Variants in CLDN16 observed in about 807,000 individuals in gnomAD.
The protein encoded by CLDN16 is claudin-16.
In CLDN16, 13 loss-of-function variants were observed where a neutral mutation model predicts 24.6. The ratio of observed to expected loss-of-function variants is 0.53; its 90% CI spans 0.34 to 0.84. The LOEUF (loss-of-function observed/expected upper bound fraction) is 0.84, where lower values mean the gene tolerates loss of function less well. Among genes scored for constraint, CLDN16 ranks in the 40% least tolerant of loss-of-function variants. The probability of loss-of-function intolerance (pLI) is 0.01; values close to 1 mark genes in which losing one functional copy is unlikely to be tolerated. For missense variants in CLDN16, 298 were observed against 292.7 expected (o/e 1.02, Z -0.13); for synonymous variants, 116 against 106.7 (o/e 1.09, Z -0.54).
At chr3:190,310,297 C>A in the CLDN16 span, 1 of 1,483,418 alleles carries the variant, frequency 6.7e-7, no homozygotes, top group Non-Finnish European at 9.4e-7. Context: ...CCATGGAACA[C>A]TGAGCCTAAA....
intron 1 of CLDN16, among the ~76,000 whole-genome samples, chr3:190,361,294 G>T (rs770809207): frequency 5.9e-5 from 9 of 152,096 alleles, no homozygotes; most frequent in Non-Finnish European, 1.3e-4. Flanking sequence ...TAGTGAAAGT[G>T]CCTTTGCAAA....
the CLDN16 span, among the ~76,000 whole-genome samples, chr3:190,293,537 C>A: frequency 1.3e-5 from 2 of 152,122 alleles, no homozygotes; most frequent in Non-Finnish European, 2.9e-5. Flanking sequence ...GGAAATTAGA[C>A]CATGAGTGGA....
At chr3:190,311,312 A>T in the CLDN16 span, among the ~76,000 whole-genome samples, 1 of 152,210 alleles carries the variant, frequency 6.6e-6, no homozygotes, top group African/African-American at 2.4e-5. Context: ...GGCCACAAAG[A>T]TTACTATTCG....
intron 1 of CLDN16, among the ~76,000 whole-genome samples, chr3:190,358,403 T>C (rs1427756326): frequency 2.0e-5 from 3 of 151,962 alleles, no homozygotes; most frequent in African/African-American, 2.4e-5. Flanking sequence ...CAAGTACGAA[T>C]GACACATAGG....
chr3:190,377,233 CA>C (rs1332480418), intron 3 of CLDN16, among the ~76,000 whole-genome samples: 2 of 151,936 alleles, frequency 1.3e-5, no homozygotes, highest in Non-Finnish European at 2.9e-5. Flanking sequence ...GCATACTTTG[CA>C]GTTTTTTCTG....
chr3:190,399,551 T>C (rs562302369), intron 1 of CLDN16, among the ~76,000 whole-genome samples: 2 of 152,130 alleles, frequency 1.3e-5, no homozygotes, highest in Non-Finnish European at 2.9e-5. Context: ...TTTAAACAAT[T>C]TTTTAGCACA....
chr3:190,358,363 G>T (rs1005136064), intron 1 of CLDN16, among the ~76,000 whole-genome samples: 1 of 151,888 alleles, frequency 6.6e-6, no homozygotes, highest in Non-Finnish European at 1.5e-5. Context: ...CTAATCATGA[G>T]TGCATTCATT....
intron 3 of CLDN16, among the ~76,000 whole-genome samples, chr3:190,381,135 C>T (rs992463998): frequency 6.6e-6 from 1 of 152,050 alleles, no homozygotes; most frequent in African/African-American, 2.4e-5. Flanking sequence ...AGGGAGGTGA[C>T]GCCGGTGCAG....
chr3:190,404,807 T>C lies in CLDN16; in HGVS notation c.263T>C (p.Leu88Pro). 1.2e-6 allele frequency: 2 copies of C among 1,614,180 alleles called. No individual in the cohort carries two copies. Among genetic ancestry groups the C allele is most frequent in the Non-Finnish European group, 1.7e-6 (2 of 1,179,992 alleles). Residue 88 changes from leucine to proline, a missense_variant, in exon 3 of 5, where the codon CTA (leucine) becomes CCA (proline). Transcript: ENST00000264734. ...GCGTTGATGATTACTGCAGATATTC[T>C]AGCTGGGTTTGGATTTCTCACCCTG... ...TRALMITADI[L>P]AGFGFLTLLL...
chr3:190,342,330 G>A (rs1396144355), intron 1 of CLDN16, among the ~76,000 whole-genome samples: 1 of 152,194 alleles, frequency 6.6e-6, no homozygotes, highest in Non-Finnish European at 1.5e-5. Context: ...ATGGCAGAAG[G>A]TGAAAGGCAC....
chr3:190,343,588 A>G (rs1051212099), intron 1 of CLDN16, among the ~76,000 whole-genome samples: 3 of 152,130 alleles, frequency 2.0e-5, no homozygotes, highest in African/African-American at 4.8e-5. Context: ...TAAAAAATCT[A>G]TAGTGTATAT....
chr3:190,396,403 A>T (rs1218054631), intron 1 of CLDN16, among the ~76,000 whole-genome samples: 1 of 152,186 alleles, frequency 6.6e-6, no homozygotes, highest in Admixed American at 6.5e-5. Context: ...AATTGCACTT[A>T]TTAAGTAGCA....
chr3:190,341,758 G>T (rs190289824), intron 1 of CLDN16, among the ~76,000 whole-genome samples: 1 of 152,098 alleles, frequency 6.6e-6, no homozygotes, highest in African/African-American at 2.4e-5. Flanking sequence ...TCTGAACTTT[G>T]ATGCTCTGTT....
intron 3 of CLDN16, among the ~76,000 whole-genome samples, chr3:190,375,342 C>G (rs1718224179): frequency 6.6e-6 from 1 of 151,950 alleles, no homozygotes; most frequent in Non-Finnish European, 1.5e-5. Context: ...CCTCTAGGCT[C>G]TTTGGAATGC....
the CLDN16 span, chr3:190,306,819 G>A: frequency 6.5e-6 from 1 of 152,726 alleles, no homozygotes; most frequent in South Asian, 2.1e-4. Flanking sequence ...AGAGAGGAAG[G>A]CACTGAGCCA....
At chr3:190,309,575 C>T in the CLDN16 span, among the ~76,000 whole-genome samples, 102,283 of 152,122 alleles carry the variant, frequency 0.67, 35,703 homozygotes, top group African/African-American at 0.87. Flanking sequence ...TGTTGTTACA[C>T]GAGAGCTAAG....
At chr3:190,387,956 A>T, upstream of CLDN16, 1 of 675,932 alleles carries the variant, frequency 1.5e-6, no homozygotes, top group Non-Finnish European at 2.6e-6. Flanking sequence ...ATGGGGTGGG[A>T]CCCTTCCTCC....
At position 190,388,208 on chromosome 3, in the gene CLDN16, G is replaced by A; in HGVS notation, c.-122G>A. On this transcript the variant is annotated 5_prime_UTR_variant, in exon 1 of 5. Transcript: ENST00000264734. ...CACCTGCAGCAGGGCGTGAGAAAAAGTAAAAGACCAGTATTTTCACATTGC... is the reference window on the plus strand; with the variant it reads ...CACCTGCAGCAGGGCGTGAGAAAAAATAAAAGACCAGTATTTTCACATTGC... 6.2e-7 allele frequency: 1 copy of A among 1,614,050 alleles called. No individual in the cohort carries two copies. Among genetic ancestry groups the A allele is most frequent in the Non-Finnish European group, 8.5e-7 (1 of 1,179,982 alleles).
At chr3:190,330,851 T>C (rs998435136) in intron 1 of CLDN16, among the ~76,000 whole-genome samples, 2 of 152,202 alleles carry the variant, frequency 1.3e-5, no homozygotes, top group African/African-American at 4.8e-5. Flanking sequence ...TCTATGTAAC[T>C]TTTAACCTTC....
Sources: allele counts gnomAD v4.1 joint callset (sites outside exome capture counted in the v4.1 genomes callset), GRCh38; gene constraint gnomAD v4.1.1; transcripts MANE v1.5; gene names NCBI Gene and HGNC (gene_info 2026-07-23, HGNC 2026-07-21).